Variants in SAP130 observed in about 807,000 individuals in gnomAD.
SAP130 encodes the protein histone deacetylase complex subunit SAP130.
In SAP130, 16 loss-of-function variants were observed where a neutral mutation model predicts 103.2. The ratio of observed to expected loss-of-function variants is 0.16; its 90% CI spans 0.10 to 0.24. The LOEUF (loss-of-function observed/expected upper bound fraction) is 0.24, where lower values mean the gene tolerates loss of function less well. SAP130 is among the 10% of genes least tolerant of loss of function. The pLI is 1.00. For missense variants in SAP130, 990 were observed against 1,359.7 expected (o/e 0.73, Z 4.28); for synonymous variants, 477 against 497.0 (o/e 0.96, Z 0.53).
chr2:127,956,429 C>T (rs1367975887), intron 15 of SAP130, among the ~76,000 whole-genome samples: 2 of 152,008 alleles, frequency 1.3e-5, no homozygotes, highest in African/African-American at 4.8e-5. Context: ...GTAAAACCAC[C>T]TGGGGCTTGC....
intron 11 of SAP130, among the ~76,000 whole-genome samples, chr2:127,994,056 ATAAAGT>A (rs781025567): frequency 1.8e-4 from 27 of 152,382 alleles, no homozygotes; most frequent in Non-Finnish European, 3.5e-4. Context: ...TAAGTACCAT[ATAAAGT>A]TAAATACATC....
chr2:127,948,049 C>G (rs576080054), intron 18 of SAP130, among the ~76,000 whole-genome samples: 13 of 152,230 alleles, frequency 8.5e-5, no homozygotes, highest in African/African-American at 3.1e-4. Context: ...CTTGGCCTCC[C>G]AAAGTGCTGG....
intron 14 of SAP130, among the ~76,000 whole-genome samples, chr2:127,978,853 A>T (rs1197382450): frequency 1.3e-5 from 2 of 152,160 alleles, no homozygotes; most frequent in Admixed American, 6.5e-5. Flanking sequence ...AAAAAAGAAA[A>T]ATCAGATCAA....
Position 127,955,043 on chromosome 2 carries a change from G to T in SAP130, c.2365C>A (p.Pro789Thr), listed in dbSNP as rs915962831. The T allele has an allele frequency of 1.2e-6, 2 of 1,613,820 alleles. No homozygotes were observed. The highest frequency in any genetic ancestry group is 1.3e-5 in the African/African-American group (1 of 74,922). ...ACTTCTTCTTTCACTTTAATTTCAG[G>T]AACGGGAGGGCCCAAGACGGAGGAA... ...SLSSVLGPPVPEIKVKEEVEP... is the reference protein window; with the variant it reads ...SLSSVLGPPVTEIKVKEEVEP... The change falls in exon 16 of 21, where the codon CCT becomes ACT. Residue 789 changes from proline (P) to threonine (T), a missense_variant. Pro to Thr is a conservative substitution (Grantham distance 38). Transcript: ENST00000643581. The surrounding 1 kb of genome is among the most constrained non-coding windows in gnomAD (Gnocchi z 4.9).
At chr2:127,946,280 G>T (rs2461466) in intron 18 of SAP130, among the ~76,000 whole-genome samples, 115,386 of 152,066 alleles carry the variant, frequency 0.76, 45,873 homozygotes, top group Non-Finnish European at 0.88. Flanking sequence ...AGGGAATTGG[G>T]GGAGATTTGT....
intron 2 of SAP130, among the ~76,000 whole-genome samples, chr2:128,025,671 T>C (rs971066612): frequency 1.3e-5 from 2 of 152,198 alleles, no homozygotes; most frequent in African/African-American, 4.8e-5. Context: ...ATTTAAAATA[T>C]ACTGGAGGAT....
At chr2:127,993,377 C>T (rs1292634931) in intron 11 of SAP130, 69 bp from the exon 12 acceptor site, 2 of 1,486,624 alleles carry the variant, frequency 1.3e-6, no homozygotes, top group South Asian at 1.4e-5. Flanking sequence ...GATCCTATAC[C>T]CCAGTTCCTC....
At position 127,955,611 on chromosome 2, in the gene SAP130, C is replaced by T. The variant is rs1010737287; in HGVS notation, c.2064-267G>A. On this transcript the variant is annotated intron_variant, in intron 15 of 20. Coordinates refer to ENST00000643581, the MANE Select transcript of SAP130 (RefSeq NM_001330301.2). This position sits in a 1 kb window ranked among gnomAD's most constrained non-coding sequence, Gnocchi z 4.9. ...GAGGGATTCTCCCACCTCATCCTCC[C>T]GAGTAGCTGAGACTACAGGTGTGTG... Among the ~76,000 whole-genome samples, 3 of 152,100 alleles carry T rather than the reference C, an allele frequency of 2.0e-5. No homozygotes were observed. The highest frequency in any genetic ancestry group is 6.6e-5 in the Admixed American group (1 of 15,256).
chr2:128,024,869 A>G (rs368548744), intron 2 of SAP130, among the ~76,000 whole-genome samples: 3 of 151,984 alleles, frequency 2.0e-5, no homozygotes, highest in South Asian at 2.1e-4. Context: ...ACAGAGTGAC[A>G]CTCTGTCTCA....
In SAP130 at chr2:127,989,877, T is replaced by C. The variant is rs765103424; in HGVS notation, c.1478-11A>G. 7.5e-6 allele frequency: 12 copies of C among 1,609,910 alleles called. No individual in the cohort carries two copies. The highest frequency in any genetic ancestry group is 1.0e-5 in the Non-Finnish European group (12 of 1,177,014). ...GAGCCTGAGCTGAAACTAAAAATGATGCGAAAGGTAACTATAAGAAGGTTA... is the reference window on the plus strand; with the variant it reads ...GAGCCTGAGCTGAAACTAAAAATGACGCGAAAGGTAACTATAAGAAGGTTA... On this transcript the variant is annotated splice_polypyrimidine_tract_variant and intron_variant, in intron 12 of 20. Transcript: ENST00000643581. The surrounding 1 kb of genome is among the most constrained non-coding windows in gnomAD (Gnocchi z 4.6).
intron 15 of SAP130, among the ~76,000 whole-genome samples, chr2:127,972,126 G>A (rs2438023): frequency 0.82 from 124,729 of 152,072 alleles, 51,774 homozygotes; most frequent in Middle Eastern, 0.88. Flanking sequence ...GTGCCTGTGT[G>A]GGCCCTACCT....
intron 9 of SAP130, 89 bp downstream of exon 9, chr2:127,999,965 TTC>T: frequency 6.8e-7 from 1 of 1,473,614 alleles, no homozygotes; most frequent in Non-Finnish European, 9.4e-7. Context: ...CCCGTTGTTT[TTC>T]TCTGACTGAA....
At chr2:127,943,612 T>C (rs1678858634) in intron 19 of SAP130, among the ~76,000 whole-genome samples, 1 of 152,226 alleles carries the variant, frequency 6.6e-6, no homozygotes, top group Non-Finnish European at 1.5e-5. Context: ...GTTAAGTATT[T>C]GTGTATCTAA....
intron 7 of SAP130, among the ~76,000 whole-genome samples, chr2:128,004,488 T>A (rs763061161): frequency 6.7e-6 from 1 of 148,876 alleles, no homozygotes; most frequent in Non-Finnish European, 1.5e-5. Flanking sequence ...ATTACAGACA[T>A]GAGCCACCCT....
In SAP130 at chr2:127,989,688, G is replaced by T; in HGVS notation, c.1656C>A (p.Thr552=). The change falls in exon 13 of 21, where the codon ACC becomes ACA. Residue 552 remains threonine, a synonymous_variant. Coordinates refer to ENST00000643581, the MANE Select transcript of SAP130 (RefSeq NM_001330301.2). This position sits in a 1 kb window ranked among gnomAD's most constrained non-coding sequence, Gnocchi z 4.6. ...TQGIQPAPIG[T]PGIQPAPLGT... ...CAAGTGGTGCAGGCTGTATCCCTGG[G>T]GTCCCAATGGGGGCCGGCTGGATAC... is the stretch of plus-strand genomic sequence containing the variant. 6.2e-7 allele frequency: 1 copy of T among 1,614,144 alleles called. No individual in the cohort carries two copies. The highest frequency in any genetic ancestry group is 8.5e-7 in the Non-Finnish European group (1 of 1,180,034).
At chr2:128,017,213 T>G (rs2105211428) in intron 3 of SAP130, among the ~76,000 whole-genome samples, 1 of 152,240 alleles carries the variant, frequency 6.6e-6, no homozygotes, top group Non-Finnish European at 1.5e-5. Context: ...TACCAGCTAC[T>G]TGGGAGGCTG....
At chr2:127,995,547 T>C (rs1683121177) in intron 11 of SAP130, among the ~76,000 whole-genome samples, 1 of 152,224 alleles carries the variant, frequency 6.6e-6, no homozygotes, top group Non-Finnish European at 1.5e-5. Flanking sequence ...AGAAAGTTTC[T>C]TTACGTCAGA....
chr2:127,974,530 C>T (rs1418973629), intron 15 of SAP130, among the ~76,000 whole-genome samples: 2 of 152,278 alleles, frequency 1.3e-5, no homozygotes, highest in East Asian at 3.9e-4. Flanking sequence ...ATTATAATTT[C>T]TGGCCGGGCG....
At chr2:127,954,599 A>G (rs1026588088) in intron 16 of SAP130, among the ~76,000 whole-genome samples, 5 of 152,248 alleles carry the variant, frequency 3.3e-5, no homozygotes, top group Non-Finnish European at 7.3e-5. Context: ...ACTTGATTGT[A>G]TAACAAGGCA....
Sources: allele counts gnomAD v4.1 joint callset (sites outside exome capture counted in the v4.1 genomes callset), GRCh38; gene constraint gnomAD v4.1.1; non-coding constraint Gnocchi (gnomAD v3.1); transcripts MANE v1.5; gene names NCBI Gene and HGNC (gene_info 2026-07-23, HGNC 2026-07-21).